Variants in SPOCK1 observed in about 807,000 individuals in gnomAD.
SPOCK1 encodes testican-1.
Under a neutral mutation model 55.3 loss-of-function variants are expected in SPOCK1, and 23 were observed. That is an observed-to-expected ratio of 0.42 (90% confidence interval 0.30 to 0.59). The LOEUF (loss-of-function observed/expected upper bound fraction) is 0.59, where lower values mean the gene tolerates loss of function less well. Among genes scored for constraint, SPOCK1 ranks in the 20% least tolerant of loss-of-function variants. The pLI, the probability that SPOCK1 is intolerant of heterozygous loss-of-function variation, is 0.22. For missense variants in SPOCK1, 499 were observed against 552.5 expected (o/e 0.90, Z 0.97); for synonymous variants, 226 against 221.0 (o/e 1.02, Z -0.20).
chr5:137,334,388 T>C (rs1315589883), intron 2 of SPOCK1, among the ~76,000 whole-genome samples: 1 of 152,170 alleles, frequency 6.6e-6, no homozygotes, highest in African/African-American at 2.4e-5. Flanking sequence ...ACAAGATGTT[T>C]GGGGAGTCCT....
chr5:137,361,077 C>T (rs1750933565), intron 2 of SPOCK1, among the ~76,000 whole-genome samples: 3 of 152,054 alleles, frequency 2.0e-5, no homozygotes. Flanking sequence ...GATTTGTGTC[C>T]TTATAAGAGG....
chr5:137,041,034 A>T (rs1751987313), intron 6 of SPOCK1, among the ~76,000 whole-genome samples: 2 of 152,204 alleles, frequency 1.3e-5, no homozygotes, highest in Non-Finnish European at 2.9e-5. Flanking sequence ...ACATTTTTTT[A>T]AAAAGAGCAT....
intron 5 of SPOCK1, among the ~76,000 whole-genome samples, chr5:137,110,507 C>G (rs138688051): frequency 3.7e-4 from 57 of 152,286 alleles, no homozygotes; most frequent in African/African-American, 1.4e-3. Flanking sequence ...AGAAATGACT[C>G]ATCAGTGTCC....
At chr5:137,481,601 G>A (rs763529793) in intron 2 of SPOCK1, among the ~76,000 whole-genome samples, 1 of 152,220 alleles carries the variant, frequency 6.6e-6, no homozygotes, top group Non-Finnish European at 1.5e-5. Context: ...ACTCTGTAGT[G>A]GGGAAGGGAA....
intron 2 of SPOCK1, among the ~76,000 whole-genome samples, chr5:137,347,112 C>T (rs529511917): frequency 1.3e-5 from 2 of 152,298 alleles, no homozygotes; most frequent in East Asian, 3.9e-4. Context: ...CCTCCACCCT[C>T]CCTTGCACCA....
intron 9 of SPOCK1, among the ~76,000 whole-genome samples, chr5:136,982,311 CATTTA>C (rs1418028194): frequency 6.6e-6 from 1 of 152,194 alleles, no homozygotes; most frequent in East Asian, 1.9e-4. Context: ...TATTTACCCT[CATTTA>C]ATTTCAACTT....
At chr5:137,454,770 T>A (rs1753328283) in intron 2 of SPOCK1, among the ~76,000 whole-genome samples, 1 of 152,204 alleles carries the variant, frequency 6.6e-6, no homozygotes, top group Non-Finnish European at 1.5e-5. Flanking sequence ...TTAATCACAA[T>A]TGTTGAATCA....
chr5:137,218,731 G>T (rs997718719), intron 3 of SPOCK1, among the ~76,000 whole-genome samples: 1 of 152,142 alleles, frequency 6.6e-6, no homozygotes, highest in African/African-American at 2.4e-5. Flanking sequence ...TCCTATAGTA[G>T]CTAGTCAGAT....
At chr5:137,264,512 C>T (rs140192850) in intron 3 of SPOCK1, among the ~76,000 whole-genome samples, 1 of 152,258 alleles carries the variant, frequency 6.6e-6, no homozygotes, top group Non-Finnish European at 1.5e-5. Context: ...AAGCCCCTTC[C>T]ATCCCCATCC....
intron 3 of SPOCK1, among the ~76,000 whole-genome samples, chr5:137,232,686 A>G (rs1171977505): frequency 6.6e-6 from 1 of 152,182 alleles, no homozygotes; most frequent in African/African-American, 2.4e-5. Flanking sequence ...TTCCATATAA[A>G]TTTTCAGAAT....
intron 2 of SPOCK1, among the ~76,000 whole-genome samples, chr5:137,402,531 G>C (rs1752004691): frequency 6.6e-6 from 1 of 152,158 alleles, no homozygotes; most frequent in Admixed American, 6.5e-5. Flanking sequence ...ATTCCTTTTA[G>C]TAAGAATGGC....
At position 137,035,640 on chromosome 5, in the gene SPOCK1, C is replaced by T. The variant is rs112252808; in HGVS notation, c.589+32075G>A. Among the ~76,000 whole-genome samples, 585 of 152,254 alleles carry T rather than the reference C, an allele frequency of 3.8e-3. 8 individuals are homozygous for T. Among genetic ancestry groups the T allele is most frequent in the African/African-American group, 0.014 (564 of 41,542 alleles). On this transcript the variant is annotated intron_variant, in intron 6 of 10. Coordinates refer to ENST00000394945, the MANE Select transcript of SPOCK1 (RefSeq NM_004598.4). ...GACTCCTTGGAGAAGAAGCATGATC[C>T]TGAGGTCACTGTGTGCTCATGCCCT...
At position 137,425,983 on chromosome 5, in the gene SPOCK1, A is replaced by AG. The variant is rs1467992089; in HGVS notation, c.186+72389dup. Among the ~76,000 whole-genome samples the AG allele has an allele frequency of 2.2e-5, 3 of 139,360 alleles. No homozygotes were observed. The Admixed American group carries it at 2.2e-4, about 10-fold the overall frequency. The allele number at this position is 139,360 out of a possible 152,430, so 91.4% of individuals were successfully genotyped here. A position where few individuals can be genotyped will look rare whatever the true frequency, so the allele number is the denominator to read the frequency against. The stretch of plus-strand genomic sequence containing the variant: ...TTACAGAAAAAAAAAAAAAAAAAAA[A>AG]GGTTGCCAGAAGTACACCAACTCAT... On this transcript the variant is annotated intron_variant, in intron 2 of 10. Coordinates refer to ENST00000394945, the MANE Select transcript of SPOCK1 (RefSeq NM_004598.4).
chr5:137,353,705 A>G (rs911939488), intron 2 of SPOCK1, among the ~76,000 whole-genome samples: 9 of 152,186 alleles, frequency 5.9e-5, no homozygotes, highest in Admixed American at 4.6e-4. Flanking sequence ...AGTGATATAC[A>G]AACAAATCAA....
chr5:137,469,808 C>A (rs1004857097), intron 2 of SPOCK1, among the ~76,000 whole-genome samples: 2 of 152,132 alleles, frequency 1.3e-5, no homozygotes, highest in Admixed American at 6.5e-5. Flanking sequence ...TGAGCTACTG[C>A]ATGGAAATGC....
intron 2 of SPOCK1, among the ~76,000 whole-genome samples, chr5:137,320,984 C>A (rs1459447348): frequency 1.3e-5 from 2 of 152,054 alleles, no homozygotes; most frequent in African/African-American, 4.8e-5. Flanking sequence ...AGATGCTTAA[C>A]AAGCTCAGGA....
intron 2 of SPOCK1, among the ~76,000 whole-genome samples, chr5:137,414,958 C>T (rs1752298427): frequency 6.6e-6 from 1 of 151,730 alleles, no homozygotes; most frequent in African/African-American, 2.4e-5. Context: ...AAAGACCTCC[C>T]TGAATCTGAA....
At chr5:137,291,466 G>A (rs1364477099) in intron 2 of SPOCK1, among the ~76,000 whole-genome samples, 1 of 152,166 alleles carries the variant, frequency 6.6e-6, no homozygotes, top group East Asian at 1.9e-4. Context: ...GATCTCCCAG[G>A]TCCTACAAAC....
At chr5:137,411,937 G>T (rs572163441) in intron 2 of SPOCK1, among the ~76,000 whole-genome samples, 2 of 152,118 alleles carry the variant, frequency 1.3e-5, no homozygotes, top group Non-Finnish European at 2.9e-5. Flanking sequence ...CCTCACCTAC[G>T]CAGTAAAGAA....
Sources: allele counts gnomAD v4.1 joint callset (sites outside exome capture counted in the v4.1 genomes callset), GRCh38; gene constraint gnomAD v4.1.1; transcripts MANE v1.5; gene names NCBI Gene and HGNC (gene_info 2026-07-23, HGNC 2026-07-21).